SMAD4: variants seen among roughly 807,000 people sequenced by gnomAD.
SMAD4 encodes SMAD family member 4, also known as MAD homolog 4.
A neutral mutation model predicts 63.2 loss-of-function variants in SMAD4; 7 were observed. The ratio of observed to expected loss-of-function variants is 0.11; its 90% CI spans 0.06 to 0.21. SMAD4 has a LOEUF of 0.21. Among genes scored for constraint, SMAD4 ranks in the 10% least tolerant of loss-of-function variants. The pLI is 1.00. For synonymous variants in SMAD4, 215 were observed against 235.4 expected, an observed-to-expected ratio of 0.91 and a Z score of 0.79; for missense variants, 312 against 693.8, an observed-to-expected ratio of 0.45 and a Z score of 6.18.
At chr18:51,057,198 T>C (rs985580214) in intron 5 of SMAD4, among the ~76,000 whole-genome samples, 4 of 152,192 alleles carry the variant, frequency 2.6e-5, no homozygotes, top group Non-Finnish European at 5.9e-5. Flanking sequence ...TTCCATCTGA[T>C]TATACTCCCA....
At position 51,082,649 on chromosome 18, in the gene SMAD4, G is replaced by A. The variant is rs1161231572; in HGVS notation, c.*4182G>A. On this transcript the variant is annotated 3_prime_UTR_variant, in exon 12 of 12. Coordinates refer to ENST00000342988, the MANE Select transcript of SMAD4 (RefSeq NM_005359.6). The stretch of plus-strand genomic sequence containing the variant: ...TTTCTTTCTGTGCTTGGCTATCTTT[G>A]TGGACTTCAGGGGCTTCTAAAACAG... The A allele has an allele frequency of 1.3e-5, 3 of 230,282 alleles. No individual in the cohort carries two copies. The South Asian group carries it at 5.5e-4, about 42-fold the overall frequency. The allele number at this position is 230,282 out of a possible 1,614,324, so 14.3% of individuals were successfully genotyped here.
chr18:51,039,294 G>C (rs560650404), intron 1 of SMAD4, among the ~76,000 whole-genome samples: 2 of 152,336 alleles, frequency 1.3e-5, no homozygotes, highest in East Asian at 3.9e-4. Context: ...CAGGGAACAT[G>C]TAAGAGTCAG....
chr18:51,050,128 C>A (rs888082546), intron 4 of SMAD4, among the ~76,000 whole-genome samples: 1 of 151,818 alleles, frequency 6.6e-6, no homozygotes, highest in African/African-American at 2.4e-5. Context: ...GAGGCTTAAG[C>A]GGGTGGATCA....
At chr18:51,073,286 G>T (rs1193402915) in intron 10 of SMAD4, among the ~76,000 whole-genome samples, 3 of 148,412 alleles carry the variant, frequency 2.0e-5, no homozygotes, top group Admixed American at 6.8e-5. Flanking sequence ...GTGGGGGTGG[G>T]GGAGTGTTAA....
Position 51,067,189 on chromosome 18 carries a change from T to TCTTTGATTTGCGTCAGTGTCA in SMAD4, c.1308+2_1308+3insCTTTGATTTGCGTCAGTGTCA, listed in dbSNP as rs751395453. 4.6e-6 allele frequency: 7 copies of TCTTTGATTTGCGTCAGTGTCA among 1,523,762 alleles called. No individual in the cohort carries two copies. Among genetic ancestry groups the TCTTTGATTTGCGTCAGTGTCA allele is most frequent in the Non-Finnish European group, 6.4e-6 (7 of 1,098,118 alleles). 94.4% of individuals were successfully genotyped at this position (1,523,762 alleles called of 1,614,324 possible). ...ATCTACCCAAGTGCATATATAAAGG[T>TCTTTGATTTGCGTCAGTGTCA]TAGTTACAATTTTATTTGAATATTT... is the stretch of plus-strand genomic sequence containing the variant. On this transcript the variant is annotated splice_region_variant and intron_variant, in intron 10 of 11. Transcript: ENST00000342988.
At chr18:51,068,659 G>A (rs184760633) in intron 10 of SMAD4, among the ~76,000 whole-genome samples, 14 of 152,230 alleles carry the variant, frequency 9.2e-5, no homozygotes, top group Admixed American at 2.0e-4. Context: ...TGGCTCATGC[G>A]TGTAATCTTA....
rs1470596317 is a variant in SMAD4 at position 51,078,720 on chromosome 18, C to T, written c.*253C>T. The T allele has an allele frequency of 1.2e-5, 6 of 487,286 alleles. No homozygotes were observed. Among genetic ancestry groups the T allele is most frequent in the Non-Finnish European group, 2.2e-5 (6 of 272,434 alleles). The allele number at this position is 487,286 out of a possible 1,614,324, so 30.2% of individuals were successfully genotyped here. On this transcript the variant is annotated 3_prime_UTR_variant, in exon 12 of 12. Coordinates refer to ENST00000342988, the MANE Select transcript of SMAD4 (RefSeq NM_005359.6). ...AAACACATTCTTATTAATTCTTCAC[C>T]TGTTATGTATGAAGGAATCATTCCA...
intron 8 of SMAD4, among the ~76,000 whole-genome samples, chr18:51,065,092 A>C (rs1402611963): frequency 3.3e-5 from 5 of 152,214 alleles, no homozygotes; most frequent in Non-Finnish European, 7.3e-5. Context: ...TGTTCTTTAA[A>C]TTCTCAGTTG....
Position 51,033,913 on chromosome 18 carries a change from C to T in SMAD4, c.-128+3290C>T, listed in dbSNP as rs138224416. ...AAGATGGTAGGTAGTCGGATTCTTA[C>T]AATTTATAAGGTTCTCATAATCTAA... On this transcript the variant is annotated intron_variant, in intron 1 of 11. Coordinates refer to ENST00000342988, the MANE Select transcript of SMAD4 (RefSeq NM_005359.6). Among the ~76,000 whole-genome samples the T allele has an allele frequency of 2.6e-5, 4 of 152,282 alleles. No homozygotes were observed. The South Asian group carries it at 6.2e-4, about 24-fold the overall frequency.
chr18:51,083,007 T>A lies in SMAD4; in HGVS notation c.*4540T>A, dbSNP rs573256272. On this transcript the variant is annotated 3_prime_UTR_variant, in exon 12 of 12. Coordinates refer to ENST00000342988, the MANE Select transcript of SMAD4 (RefSeq NM_005359.6). ...GCATTTGATATCAGTTTGATGTAGC[T>A]TAGAGTGCTTCCTGATTCTTGCTGA... 1 of 225,558 alleles carries A rather than the reference T, an allele frequency of 4.4e-6. No homozygotes were observed. Among genetic ancestry groups the A allele is most frequent in the Non-Finnish European group, 8.8e-6 (1 of 113,168 alleles). 14.0% of individuals were successfully genotyped at this position (225,558 alleles called of 1,614,324 possible).
intron 1 of SMAD4, among the ~76,000 whole-genome samples, chr18:51,043,436 T>A (rs1036882638): frequency 5.3e-5 from 8 of 152,244 alleles, no homozygotes; most frequent in African/African-American, 1.9e-4. Flanking sequence ...GTCATGCGGC[T>A]AGACCTTTAA....
chr18:51,038,254 G>A lies in SMAD4; in HGVS notation c.-128+7631G>A, dbSNP rs59795420. 7.8e-3 allele frequency among the ~76,000 whole-genome samples: 476 copies of A among 61,160 alleles called. 4 individuals carry two copies. The East Asian group carries it at 0.11, about 14-fold the overall frequency. The allele number at this position is 61,160 out of a possible 152,430, so 40.1% of individuals were successfully genotyped here. A position where few individuals can be genotyped will look rare whatever the true frequency, so the allele number is the denominator to read the frequency against. On this transcript the variant is annotated intron_variant, in intron 1 of 11. Transcript: ENST00000342988. ...CCTAGGCTACAGAGCGAGACTGTGG[G>A]GGGGGGGGCAGTATGAGGAAGTGTG...
chr18:51,051,458 AG>A lies in SMAD4; in HGVS notation c.454+2135del, dbSNP rs1192860998. 1.1e-5 allele frequency: 5 copies of A among 451,622 alleles called. No homozygotes were observed. In the Admixed American group the frequency reaches 1.2e-4, roughly 11 times the overall value. 28.0% of individuals were successfully genotyped at this position (451,622 alleles called of 1,614,324 possible). ...AAATGGGACAGTTCCTTCATTTTTG[AG>A]TTAAAGTCTTGTGGTAATCATTTCC... On this transcript the variant is annotated intron_variant, in intron 4 of 11. Transcript: ENST00000342988.
At chr18:51,051,166 T>G (rs1480017443) in intron 4 of SMAD4, 1 of 291,026 alleles carries the variant, frequency 3.4e-6, no homozygotes, top group Admixed American at 4.7e-5. Context: ...TGGGGCTGTT[T>G]GTGAGGGGGT....
chr18:51,030,782 G>C (rs1909021623), intron 1 of SMAD4, among the ~76,000 whole-genome samples, 159 bp downstream of exon 1: 1 of 151,346 alleles, frequency 6.6e-6, no homozygotes, highest in South Asian at 2.1e-4. Context: ...GGCCTGACGA[G>C]CCGGGCCGGG....
chr18:51,061,104 G>A (rs985910782), intron 8 of SMAD4, among the ~76,000 whole-genome samples: 1 of 152,004 alleles, frequency 6.6e-6, no homozygotes, highest in Non-Finnish European at 1.5e-5. Context: ...CATAGGAGAT[G>A]TATATATTTA....
In SMAD4 at chr18:51,083,997, T is replaced by TGC. The variant is rs1555688043; in HGVS notation, c.*5533_*5534dup. On this transcript the variant is annotated 3_prime_UTR_variant, in exon 12 of 12. Transcript: ENST00000342988. ...GGCTGCAATAAACACTTAACGCGCG[T>TGC]GCGCACGCGCGCGCGCACACACACA... is the stretch of plus-strand genomic sequence containing the variant. 1.6e-5 allele frequency: 2 copies of TGC among 124,008 alleles called. No homozygotes were observed. The highest frequency in any genetic ancestry group is 8.5e-5 in the African/African-American group (2 of 23,554). 7.7% of individuals were successfully genotyped at this position (124,008 alleles called of 1,614,324 possible).
chr18:51,042,817 C>G (rs987891875), intron 1 of SMAD4, among the ~76,000 whole-genome samples: 2 of 152,150 alleles, frequency 1.3e-5, no homozygotes, highest in African/African-American at 2.4e-5. Flanking sequence ...TCCTCCTGCC[C>G]CAGCCTCTTG....
chr18:51,051,282 G>C, intron 4 of SMAD4: 1 of 444,610 alleles, frequency 2.2e-6, no homozygotes, highest in South Asian at 1.6e-5. Context: ...TGACTGTAGG[G>C]CTGTATTCAG....
Sources: gnomAD v4.1 joint callset for allele counts (sites outside exome capture counted in the v4.1 genomes callset) on GRCh38, gnomAD v4.1.1 for gene constraint, MANE v1.5 for transcripts, NCBI Gene and HGNC (gene_info 2026-07-23, HGNC 2026-07-21) for gene names.